DICER1: variants seen among roughly 807,000 people sequenced by gnomAD.
DICER1 encodes the protein endoribonuclease Dicer.
Under a neutral mutation model 194.1 loss-of-function variants are expected in DICER1, and 43 were observed. That is an observed-to-expected ratio of 0.22 (90% CI 0.17 to 0.29). DICER1 has a LOEUF of 0.29. DICER1 is among the 10% of genes least tolerant of loss of function. The probability of loss-of-function intolerance (pLI) is 1.00; values close to 1 mark genes in which losing one functional copy is unlikely to be tolerated. For missense variants in DICER1, 1,608 were observed against 2,317.0 expected, an observed-to-expected ratio of 0.69 and a Z score of 6.28; for synonymous variants, 832 against 820.5, an observed-to-expected ratio of 1.01 and a Z score of -0.24.
At chr14:95,101,762 ACTCT>A (rs1358487778) in intron 21 of DICER1, among the ~76,000 whole-genome samples, 3 of 151,684 alleles carry the variant, frequency 2.0e-5, no homozygotes, top group African/African-American at 7.3e-5. Context: ...AGCCCATTCG[ACTCT>A]CTAAGTGTGA....
At chr14:95,151,783 AG>A (rs1895529495) in intron 1 of DICER1, among the ~76,000 whole-genome samples, 1 of 152,120 alleles carries the variant, frequency 6.6e-6, no homozygotes, top group African/African-American at 2.4e-5. Context: ...AGAGGCGGAC[AG>A]GCTGTGAGTT....
chr14:95,105,577 A>G lies in DICER1; in HGVS notation c.3093+101T>C, dbSNP rs1891341765. 1.1e-6 allele frequency: 1 copy of G among 946,498 alleles called. No individual in the cohort carries two copies. The highest frequency in any genetic ancestry group is 1.7e-6 in the Non-Finnish European group (1 of 599,082). The allele number at this position is 946,498 out of a possible 1,614,324, so 58.6% of individuals were successfully genotyped here. ...TTAGGTAACTTCTAAAAAATTAACGAATCATGCATTTAACTTGGTAAGATA... is the reference window on the plus strand; with the variant it reads ...TTAGGTAACTTCTAAAAAATTAACGGATCATGCATTTAACTTGGTAAGATA... On this transcript the variant is annotated intron_variant, in intron 19 of 26. Transcript: ENST00000343455. The surrounding 1 kb of genome is among the most constrained non-coding windows in gnomAD (Gnocchi z 4.9).
chr14:95,130,937 G>A (rs1272460737), intron 4 of DICER1, among the ~76,000 whole-genome samples: 1 of 152,210 alleles, frequency 6.6e-6, no homozygotes, highest in African/African-American at 2.4e-5. Flanking sequence ...TTGGAAATAG[G>A]TCATAGGAAT....
chr14:95,156,349 A>G (rs1463231535), intron 1 of DICER1, among the ~76,000 whole-genome samples: 1 of 152,222 alleles, frequency 6.6e-6, no homozygotes, highest in Non-Finnish European at 1.5e-5. Flanking sequence ...ACACTTACTT[A>G]TCGTGTAGAC....
At position 95,113,111 on chromosome 14, in the gene DICER1, G is replaced by A. The variant is rs775336086; in HGVS notation, c.2021C>T (p.Pro674Leu). 1 of 1,613,738 alleles carries A rather than the reference G, an allele frequency of 6.2e-7. No homozygotes were observed. Reference protein sequence around the residue: ...YSTLYLPINSPLRASIVGPPM... With the variant: ...YSTLYLPINSLLRASIVGPPM... Reference sequence around the variant, plus strand: ...ACTTACAACAATGGAGGCTCGAAGAGGTGAGTTAATTGGCAGATAAAGAGT... The same window carrying A: ...ACTTACAACAATGGAGGCTCGAAGAAGTGAGTTAATTGGCAGATAAAGAGT... The change falls in exon 12 of 27, where the codon CCT becomes CTT. Residue 674 changes from proline (P) to leucine (L), a missense_variant. Physicochemically the swap from Pro to Leu is moderately conservative, Grantham distance 98. Transcript: ENST00000343455.
intron 11 of DICER1, among the ~76,000 whole-genome samples, chr14:95,115,369 A>C (rs897534825): frequency 5.3e-5 from 8 of 152,184 alleles, no homozygotes; most frequent in African/African-American, 1.9e-4. Flanking sequence ...CAAAACAAAA[A>C]ATTTCAGGAT....
intron 17 of DICER1, 111 bp downstream of exon 17, chr14:95,107,497 G>T (rs548387940): frequency 3.9e-6 from 4 of 1,031,976 alleles, no homozygotes; most frequent in Admixed American, 1.7e-5. Flanking sequence ...TGATCTGCCC[G>T]CCTTGGCCTC....
At chr14:95,113,064 T>C in intron 12 of DICER1, 28 bp downstream of exon 12, 6 of 1,609,734 alleles carry the variant, frequency 3.7e-6, no homozygotes, top group Non-Finnish European at 5.1e-6. Context: ...TTTTAAAAGA[T>C]AACAATCATT....
At chr14:95,111,178 CG>C in intron 14 of DICER1, 138 bp downstream of exon 14, 1 of 884,710 alleles carries the variant, frequency 1.1e-6, no homozygotes, top group African/African-American at 1.6e-5. Flanking sequence ...AGCTGTGAAT[CG>C]GAGAAAGGAG....
Position 95,112,247 on chromosome 14 carries a change from C to A in DICER1, c.2041G>T (p.Gly681Cys). 1.2e-6 allele frequency: 2 copies of A among 1,613,874 alleles called. No homozygotes were observed. The highest frequency in any genetic ancestry group is 1.7e-6 in the Non-Finnish European group (2 of 1,179,882). ...INSPLRASIV[G>C]PPMSCVRLAE... is the part of the protein sequence containing the mutation. ...AATCGTACACAGCTCATTGGTGGAC[C>A]CTGAAAATAACAAAAACCTTTCCAT... Residue 681 changes from glycine to cysteine, a missense_variant and splice_region_variant, in exon 13 of 27, where the codon GGT becomes TGT. This residue lies in a region of DICER1 where 657 missense variants were observed against 910.1 expected (regional missense o/e 0.72). Transcript: ENST00000343455.
chr14:95,117,026 C>G lies in DICER1; in HGVS notation c.1510-331G>C, dbSNP rs188071907. ...TCAAAAAGCTACAATGTAGAAAAGG[C>G]CTTCAACAGGAATTATTCTGCTAAT... On this transcript the variant is annotated intron_variant, in intron 9 of 26. Coordinates refer to ENST00000343455, the MANE Select transcript of DICER1 (RefSeq NM_177438.3). Among the ~76,000 whole-genome samples the G allele has an allele frequency of 2.0e-3, 306 of 152,250 alleles. 1 individual carries two copies. The highest frequency in any genetic ancestry group is 1.7e-3 in the Non-Finnish European group (114 of 68,008).
intron 23 of DICER1, among the ~76,000 whole-genome samples, chr14:95,094,487 G>A (rs1030734880): frequency 6.6e-6 from 1 of 152,198 alleles, no homozygotes; most frequent in Non-Finnish European, 1.5e-5. Flanking sequence ...CTGGGCAGGT[G>A]CTGGGGCCTT....
rs1891286009 is a variant in DICER1, at chr14:95,105,043, T to C, written c.3269+28A>G. ...TGCAAACAGGATCTCATGATCTGTG[T>C]TCTTTCTGGCTGACTGCACAGGCAT... On this transcript the variant is annotated intron_variant, in intron 20 of 26. Transcript: ENST00000343455. This position sits in a 1 kb window ranked among gnomAD's most constrained non-coding sequence, Gnocchi z 4.9. The C allele has an allele frequency of 1.2e-6, 2 of 1,609,654 alleles. No homozygotes were observed. Among genetic ancestry groups the C allele is most frequent in the Non-Finnish European group, 1.7e-6 (2 of 1,176,922 alleles).
At chr14:95,115,482 C>T (rs531216208) in intron 11 of DICER1, among the ~76,000 whole-genome samples, 185 bp downstream of exon 11, 7 of 151,910 alleles carry the variant, frequency 4.6e-5, no homozygotes, top group South Asian at 4.2e-4. Flanking sequence ...TATTGCTGCA[C>T]GATACTGTTT....
intron 11 of DICER1, 103 bp downstream of exon 11, chr14:95,115,564 A>C: frequency 7.7e-7 from 1 of 1,290,964 alleles, no homozygotes; most frequent in African/African-American, 1.5e-5. Flanking sequence ...AAGTCTAAGT[A>C]AAGACTGGTA....
At chr14:95,102,097 T>C (rs1353881277) in intron 21 of DICER1, among the ~76,000 whole-genome samples, 1 of 152,204 alleles carries the variant, frequency 6.6e-6, no homozygotes, top group East Asian at 1.9e-4. Flanking sequence ...TATGTGTATA[T>C]ATGTGGGTGT....
At chr14:95,108,227 T>C in intron 15 of DICER1, 97 bp downstream of exon 15, 1 of 1,330,628 alleles carries the variant, frequency 7.5e-7, no homozygotes, top group South Asian at 1.2e-5. Context: ...ATATTAAACA[T>C]ACTGAGGTAA....
At chr14:95,122,959 C>CACAAAGAAAG (rs147100923) in intron 8 of DICER1, among the ~76,000 whole-genome samples, 5 of 149,324 alleles carry the variant, frequency 3.3e-5, no homozygotes, top group African/African-American at 7.5e-5. Flanking sequence ...CACACACACA[C>CACAAAGAAAG]AAAGAAAGAA....
At chr14:95,102,781 G>C (rs1157558821) in intron 21 of DICER1, among the ~76,000 whole-genome samples, 1 of 152,092 alleles carries the variant, frequency 6.6e-6, no homozygotes, top group Non-Finnish European at 1.5e-5. Flanking sequence ...CTTTCTCTGA[G>C]CTATCGAGCG....
Sources: gnomAD v4.1 joint callset for allele counts (sites outside exome capture counted in the v4.1 genomes callset) on GRCh38, gnomAD v4.1.1 for gene constraint, gnomAD v4.1.1 regional missense constraint, Gnocchi (gnomAD v3.1) non-coding constraint, MANE v1.5 for transcripts, NCBI Gene and HGNC (gene_info 2026-07-23, HGNC 2026-07-21) for gene names.